INVS: variants seen among roughly 807,000 people sequenced by gnomAD.
INVS encodes the protein inversion of embryo turning homolog.
Under a neutral mutation model 108.8 loss-of-function variants are expected in INVS, and 86 were observed. That is an observed-to-expected ratio of 0.79 (90% CI 0.66 to 0.95). INVS has a LOEUF of 0.95. Among genes scored for constraint, INVS ranks in the 40% least tolerant of loss-of-function variants. The probability of loss-of-function intolerance (pLI) is 0.00; values close to 1 mark genes in which losing one functional copy is unlikely to be tolerated. For missense variants in INVS, 1,169 were observed against 1,297.4 expected, an observed-to-expected ratio of 0.90 and a Z score of 1.52; for synonymous variants, 455 against 473.5, an observed-to-expected ratio of 0.96 and a Z score of 0.51.
chr9:100,236,403 A>G (rs114882172), intron 5 of INVS, among the ~76,000 whole-genome samples: 3,185 of 152,204 alleles, frequency 0.021, 96 homozygotes, highest in African/African-American at 0.072. Context: ...CCTTGCTGGC[A>G]AGGACTTGTG....
rs748050380 is a variant in INVS, at chr9:100,240,190, C to T, written c.746C>T (p.Thr249Met). ...VLTSYESCNI[T>M]SYDNLFRTPL... ...ACCTCATATGAAAGCTGCAATATAACGTCTTATGATAACTTATTTCGAACC... is the reference window on the plus strand; with the variant it reads ...ACCTCATATGAAAGCTGCAATATAATGTCTTATGATAACTTATTTCGAACC... The change falls in exon 6 of 17, where the codon ACG becomes ATG. Residue 249 changes from threonine to methionine, a missense_variant. Coordinates refer to ENST00000262457, the MANE Select transcript of INVS (RefSeq NM_014425.5). 4.8e-5 allele frequency: 77 copies of T among 1,613,750 alleles called. No individual in the cohort carries two copies. The highest frequency in any genetic ancestry group is 2.2e-5 in the South Asian group (2 of 91,070).
At chr9:100,264,355 C>T (rs1375087574) in intron 10 of INVS, among the ~76,000 whole-genome samples, 7 of 152,146 alleles carry the variant, frequency 4.6e-5, no homozygotes, top group African/African-American at 1.4e-4. Flanking sequence ...TGTTGGCTCA[C>T]GCCTGTAATC....
chr9:100,137,892 A>G (rs1023661949), intron 3 of INVS, among the ~76,000 whole-genome samples: 2 of 152,218 alleles, frequency 1.3e-5, no homozygotes. Context: ...TATTTTTTCA[A>G]TGAACCAACA....
chr9:100,116,935 C>G, intron 2 of INVS: 3 of 1,505,254 alleles, frequency 2.0e-6, no homozygotes, highest in Middle Eastern at 2.4e-4. Context: ...CGAAGTTGCC[C>G]AGGGTGGCAT....
At chr9:100,227,936 A>G (rs977339994) in intron 4 of INVS, among the ~76,000 whole-genome samples, 2 of 151,542 alleles carry the variant, frequency 1.3e-5, no homozygotes, top group Non-Finnish European at 2.9e-5. Flanking sequence ...TTGAGTACAC[A>G]TAGTTTAGCA....
At chr9:100,152,145 A>G (rs1009881038) in intron 3 of INVS, among the ~76,000 whole-genome samples, 2 of 152,082 alleles carry the variant, frequency 1.3e-5, no homozygotes, top group African/African-American at 4.8e-5. Flanking sequence ...CACCTTTTAC[A>G]CTGAAATATA....
intron 3 of INVS, 102 bp downstream of exon 3, chr9:100,126,651 C>T: frequency 9.1e-7 from 1 of 1,094,330 alleles, no homozygotes; most frequent in Non-Finnish European, 1.4e-6. Context: ...GTCTCAAATG[C>T]ATGACTCATA....
At chr9:100,254,772 G>C (rs995207688) in intron 10 of INVS, among the ~76,000 whole-genome samples, 12 of 152,182 alleles carry the variant, frequency 7.9e-5, no homozygotes, top group East Asian at 1.9e-4. Context: ...TTCCATTGGT[G>C]TATATCTCTG....
At position 100,296,954 on chromosome 9, in the gene INVS, A is replaced by G. The variant is rs1178415645; in HGVS notation, c.2824A>G (p.Met942Val). 2.5e-6 allele frequency: 4 copies of G among 1,614,126 alleles called. No homozygotes were observed. The Admixed American group carries it at 6.7e-5, about 27-fold the overall frequency. ...LRKHLSHLRH[M>V]KQLGAGDVDR... The stretch of plus-strand genomic sequence containing the variant: ...GAAGCACCTGTCCCACCTTCGGCAT[A>G]TGAAGCAGCTTGGAGCTGGAGATGT... Residue 942 changes from methionine (M) to valine (V), a missense_variant, in exon 15 of 17, where the codon ATG (methionine) becomes GTG (valine). Physicochemically the swap from Met to Val is conservative, Grantham distance 21. Coordinates refer to ENST00000262457, the MANE Select transcript of INVS (RefSeq NM_014425.5).
At chr9:100,130,953 A>G (rs1005822234) in intron 3 of INVS, 1 of 152,148 alleles carries the variant, frequency 6.6e-6, no homozygotes, top group Non-Finnish European at 1.5e-5. Flanking sequence ...CATTGTTATT[A>G]TTGACATGAG....
intron 3 of INVS, among the ~76,000 whole-genome samples, chr9:100,161,826 C>A (rs568935080): frequency 9.9e-4 from 150 of 152,180 alleles, no homozygotes; most frequent in African/African-American, 3.5e-3. Flanking sequence ...TCAAGGTAAG[C>A]CCCAAAACTG....
chr9:100,294,453 C>T (rs914553616), intron 14 of INVS, among the ~76,000 whole-genome samples: 2 of 152,108 alleles, frequency 1.3e-5, no homozygotes, highest in African/African-American at 4.8e-5. Flanking sequence ...ATGTGTTCTC[C>T]CTATGTCTGT....
At chr9:100,156,637 G>A (rs1287475725) in intron 3 of INVS, among the ~76,000 whole-genome samples, 1 of 151,936 alleles carries the variant, frequency 6.6e-6, no homozygotes, top group East Asian at 1.9e-4. Flanking sequence ...TGAAAAGATA[G>A]GTTTACAAGT....
At chr9:100,244,824 A>C (rs1048469205) in intron 7 of INVS, among the ~76,000 whole-genome samples, 55 of 152,316 alleles carry the variant, frequency 3.6e-4, no homozygotes, top group African/African-American at 1.3e-3. Context: ...AAATTAGTAA[A>C]AGAAAACAAA....
intron 2 of INVS, 141 bp from the exon 3 acceptor site, chr9:100,126,242 T>TCTA: frequency 1.4e-6 from 1 of 704,234 alleles, no homozygotes. Context: ...AATGGTAATA[T>TCTA]CTACTTCTTA....
chr9:100,216,472 C>T (rs1039426560), intron 3 of INVS, among the ~76,000 whole-genome samples: 6 of 152,206 alleles, frequency 3.9e-5, no homozygotes, highest in African/African-American at 1.4e-4. Flanking sequence ...TTGCTTCAGA[C>T]AGTGGCCACC....
At chr9:100,299,880 A>C (rs1833912392) in intron 16 of INVS, among the ~76,000 whole-genome samples, 2 of 152,238 alleles carry the variant, frequency 1.3e-5, no homozygotes, top group African/African-American at 4.8e-5. Context: ...TCACATTAAA[A>C]TAATTTTGTG....
chr9:100,124,830 T>C (rs1418866206), intron 2 of INVS, among the ~76,000 whole-genome samples: 2 of 152,266 alleles, frequency 1.3e-5, no homozygotes, highest in Non-Finnish European at 2.9e-5. Flanking sequence ...ATCTTTGACA[T>C]TTTCTGTATT....
intron 10 of INVS, among the ~76,000 whole-genome samples, chr9:100,254,855 C>G (rs1338934157): frequency 1.3e-5 from 2 of 152,166 alleles, no homozygotes; most frequent in Non-Finnish European, 2.9e-5. Context: ...TAGCGTGATG[C>G]TTCCAGCTTT....
Sources: gnomAD v4.1 joint callset for allele counts (sites outside exome capture counted in the v4.1 genomes callset) on GRCh38, gnomAD v4.1.1 for gene constraint, MANE v1.5 for transcripts, NCBI Gene and HGNC (gene_info 2026-07-23, HGNC 2026-07-21) for gene names.